The following AQR variants were observed in gnomAD, a reference collection of about 807,000 sequenced individuals.
The protein encoded by AQR is aquarius intron-binding spliceosomal factor.
Under a neutral mutation model 180.5 loss-of-function variants are expected in AQR, and 61 were observed. That is an observed-to-expected ratio of 0.34 (90% CI 0.28 to 0.42). The LOEUF (loss-of-function observed/expected upper bound fraction) is 0.42. AQR is among the 10% of genes least tolerant of loss of function. The probability of loss-of-function intolerance (pLI) is 1.00; values close to 1 mark genes in which losing one functional copy is unlikely to be tolerated. For synonymous variants in AQR, 551 were observed against 588.8 expected, an observed-to-expected ratio of 0.94 and a Z score of 0.93; for missense variants, 1,281 against 1,798.3, an observed-to-expected ratio of 0.71 and a Z score of 5.20.
intron 13 of AQR, among the ~76,000 whole-genome samples, chr15:34,922,723 G>A (rs1280096514): frequency 2.6e-5 from 4 of 151,644 alleles, no homozygotes; most frequent in Non-Finnish European, 5.9e-5. Context: ...CTGGCTAATT[G>A]TTTTGATTTT....
intron 26 of AQR, among the ~76,000 whole-genome samples, chr15:34,883,530 C>T (rs1893007564): frequency 6.6e-6 from 1 of 152,088 alleles, no homozygotes; most frequent in East Asian, 1.9e-4. Context: ...CTGTACCTAC[C>T]ATCCATCCAC....
chr15:34,933,318 C>T (rs1256190137), intron 10 of AQR, among the ~76,000 whole-genome samples: 1 of 152,166 alleles, frequency 6.6e-6, no homozygotes, highest in Non-Finnish European at 1.5e-5. Context: ...CAAAAAACCA[C>T]CTTACTTCTC....
chr15:34,904,097 T>C (rs1319681881), intron 19 of AQR, among the ~76,000 whole-genome samples: 1 of 152,118 alleles, frequency 6.6e-6, no homozygotes, highest in Non-Finnish European at 1.5e-5. Context: ...CTTGGATTCA[T>C]CTATATTTTA....
At chr15:34,889,656 A>T (rs1424190387) in intron 24 of AQR, among the ~76,000 whole-genome samples, 1 of 152,172 alleles carries the variant, frequency 6.6e-6, no homozygotes, top group African/African-American at 2.4e-5. Flanking sequence ...AGCTTATATT[A>T]TCATTAATCA....
chr15:34,906,285 C>T (rs1252506644), intron 18 of AQR, among the ~76,000 whole-genome samples: 1 of 151,342 alleles, frequency 6.6e-6, no homozygotes, highest in Non-Finnish European at 1.5e-5. Context: ...GCTGGAGAAT[C>T]GCATGAACCC....
intron 12 of AQR, among the ~76,000 whole-genome samples, chr15:34,930,040 G>A (rs1816337143): frequency 1.3e-5 from 2 of 152,138 alleles, no homozygotes; most frequent in South Asian, 2.1e-4. Context: ...TAACATTTCT[G>A]AGTAGCAAAT....
In AQR at chr15:34,855,386, G is replaced by A. The variant is rs1892574089; in HGVS notation, c.*1406C>T. On this transcript the variant is annotated 3_prime_UTR_variant, in exon 35 of 35. Transcript: ENST00000156471. ...GTTTCTTCAAAGATTCCTTGGACAT[G>A]GCCAGGCCCATAGGTGGATGCACTA... 2 of 152,332 alleles carry A rather than the reference G, an allele frequency of 1.3e-5. No individual in the cohort carries two copies. The highest frequency in any genetic ancestry group is 3.4e-3 in the Middle Eastern group (1 of 294). 9.4% of individuals were successfully genotyped at this position (152,332 alleles called of 1,614,324 possible).
chr15:34,919,349 T>C (rs1487211979), intron 14 of AQR, among the ~76,000 whole-genome samples: 4 of 152,142 alleles, frequency 2.6e-5, no homozygotes, highest in Non-Finnish European at 4.4e-5. Context: ...AGTATAATTA[T>C]AGAAAAAATC....
intron 34 of AQR, among the ~76,000 whole-genome samples, chr15:34,858,387 T>G (rs1201689744): frequency 6.7e-6 from 1 of 149,234 alleles, no homozygotes; most frequent in East Asian, 2.0e-4. Flanking sequence ...ACAAAATATG[T>G]GTAAGGTTTG....
At chr15:34,876,982 G>A (rs1005491903) in intron 27 of AQR, among the ~76,000 whole-genome samples, 2 of 150,928 alleles carry the variant, frequency 1.3e-5, no homozygotes, top group African/African-American at 4.9e-5. Flanking sequence ...AAGTACTGAA[G>A]TACTGTTCTT....
chr15:34,884,718 T>G lies in AQR; in HGVS notation c.2834A>C (p.Glu945Ala). 1 of 1,601,454 alleles carries G rather than the reference T, an allele frequency of 6.2e-7. No homozygotes were observed. Among genetic ancestry groups the G allele is most frequent in the East Asian group, 2.3e-5 (1 of 44,312 alleles). Residue 945 changes from glutamate to alanine, a missense_variant, in exon 26 of 35, where the codon GAA (glutamate) becomes GCA (alanine). Transcript: ENST00000156471. The stretch of plus-strand genomic sequence containing the variant: ...ATTTTTCACTTTGCTGATATACTCT[T>G]CCCAGCGAGACATTACCTGTAGAAA... ...FFLYQVMSRW[E>A]EYISKVKNKG...
At chr15:34,946,579 G>C (rs562336825) in intron 5 of AQR, among the ~76,000 whole-genome samples, 7,262 of 133,636 alleles carry the variant, frequency 0.054, 319 homozygotes, top group Non-Finnish European at 0.069. Context: ...GGAGGGAGGT[G>C]GGGGGGGTCA....
chr15:34,863,540 C>G (rs1892699989), intron 32 of AQR, among the ~76,000 whole-genome samples: 2 of 152,084 alleles, frequency 1.3e-5, no homozygotes, highest in South Asian at 4.1e-4. Flanking sequence ...TTGAGCATCC[C>G]TAATGTGAAA....
intron 5 of AQR, among the ~76,000 whole-genome samples, chr15:34,944,978 A>G (rs1894087449): frequency 6.6e-6 from 1 of 152,194 alleles, no homozygotes; most frequent in South Asian, 2.1e-4. Context: ...TCACTTCTCT[A>G]AGACAAGCTC....
intron 10 of AQR, among the ~76,000 whole-genome samples, chr15:34,932,682 G>A (rs191974988): frequency 2.1e-4 from 32 of 152,246 alleles, no homozygotes; most frequent in African/African-American, 3.6e-4. Flanking sequence ...AATAAAGGCC[G>A]GGCGCGGTGG....
chr15:34,930,546 C>T (rs1451567092), intron 11 of AQR, among the ~76,000 whole-genome samples, 175 bp from the exon 12 acceptor site: 1 of 152,172 alleles, frequency 6.6e-6, no homozygotes, highest in Admixed American at 6.5e-5. Flanking sequence ...GTTTTAGTTA[C>T]ATGAAAATAA....
intron 25 of AQR, 74 bp from the exon 26 acceptor site, chr15:34,884,808 TAAAA>T: frequency 8.6e-7 from 1 of 1,166,670 alleles, no homozygotes. Context: ...ATAAATCTTA[TAAAA>T]ACAAGATCTG....
chr15:34,951,977 C>T lies in AQR; in HGVS notation c.209+908G>A, dbSNP rs139683194. Among the ~76,000 whole-genome samples, 401 of 152,212 alleles carry T rather than the reference C, an allele frequency of 2.6e-3. 2 individuals are homozygous for T. Among genetic ancestry groups the T allele is most frequent in the African/African-American group, 9.0e-3 (373 of 41,540 alleles). On this transcript the variant is annotated intron_variant, in intron 4 of 34. Coordinates refer to ENST00000156471, the MANE Select transcript of AQR (RefSeq NM_014691.3). Reference sequence around the variant, plus strand: ...AAGATCATTTAATAATAATACAGTCCTTAGGATACAGGAGGCACTCAACTT... The same window carrying T: ...AAGATCATTTAATAATAATACAGTCTTTAGGATACAGGAGGCACTCAACTT...
chr15:34,898,611 C>G (rs1283389191), intron 20 of AQR, among the ~76,000 whole-genome samples: 1 of 152,210 alleles, frequency 6.6e-6, no homozygotes, highest in Non-Finnish European at 1.5e-5. Flanking sequence ...CTCGGCCAGG[C>G]GCGTTGGCTC....
Sources: allele counts gnomAD v4.1 joint callset (sites outside exome capture counted in the v4.1 genomes callset), GRCh38; gene constraint gnomAD v4.1.1; transcripts MANE v1.5; gene names NCBI Gene and HGNC (gene_info 2026-07-23, HGNC 2026-07-21).